TMCO4: variants seen among roughly 807,000 people sequenced by gnomAD.
TMCO4 encodes transmembrane and coiled-coil domain-containing protein 4.
Under a neutral mutation model 64.7 loss-of-function variants are expected in TMCO4, and 58 were observed. That is an observed-to-expected ratio of 0.90 (90% CI 0.73 to 1.12). The LOEUF is 1.12. TMCO4 is among the 50% of genes most tolerant of loss of function. The pLI is 0.00. For synonymous variants in TMCO4, 325 were observed against 346.1 expected (o/e 0.94, Z 0.68); for missense variants, 780 against 825.9 (o/e 0.94, Z 0.68).
intron 11 of TMCO4, among the ~76,000 whole-genome samples, chr1:19,740,389 G>A (rs549860534): frequency 6.6e-6 from 1 of 152,304 alleles, no homozygotes; most frequent in South Asian, 2.1e-4. Context: ...CTCATCCCAG[G>A]AGGATGAGAG....
In TMCO4 at chr1:19,691,069, T is replaced by C. The variant is rs181697336; in HGVS notation, c.1500+3365A>G. Among the ~76,000 whole-genome samples, 333 of 152,102 alleles carry C rather than the reference T, an allele frequency of 2.2e-3. 4 individuals are homozygous for C. The Middle Eastern group carries it at 0.031, about 14-fold the overall frequency. The stretch of plus-strand genomic sequence containing the variant: ...ATTTTTAGTAGAGACGGAGTTTCAC[T>C]GTGTTAGCCAGGATGGTCTCGATCT... On this transcript the variant is annotated intron_variant, in intron 15 of 15. Transcript: ENST00000294543.
At chr1:19,692,345 C>T (rs969038721) in intron 15 of TMCO4, among the ~76,000 whole-genome samples, 18 of 152,138 alleles carry the variant, frequency 1.2e-4, no homozygotes, top group African/African-American at 4.3e-4. Context: ...GGGTTTGAGT[C>T]CTGCTTTGCC....
chr1:19,784,477 T>G (rs927076584), intron 3 of TMCO4, among the ~76,000 whole-genome samples: 2 of 152,168 alleles, frequency 1.3e-5, no homozygotes, highest in African/African-American at 4.8e-5. Flanking sequence ...GAGGTTGCAG[T>G]GAGCTGAGAT....
At chr1:19,749,351 T>C (rs1302634554) in intron 7 of TMCO4, among the ~76,000 whole-genome samples, 1 of 152,138 alleles carries the variant, frequency 6.6e-6, no homozygotes, top group Non-Finnish European at 1.5e-5. Flanking sequence ...GTGTCACTTC[T>C]GGCAGAATCT....
chr1:19,702,484 A>G (rs1007767727), intron 13 of TMCO4, among the ~76,000 whole-genome samples: 1 of 151,072 alleles, frequency 6.6e-6, no homozygotes, highest in South Asian at 2.2e-4. Flanking sequence ...AATCCCAGCT[A>G]TTTGGGAGGC....
At chr1:19,690,159 C>A (rs1459036038) in intron 15 of TMCO4, among the ~76,000 whole-genome samples, 1 of 152,224 alleles carries the variant, frequency 6.6e-6, no homozygotes, top group African/African-American at 2.4e-5. Context: ...AATAAAACTC[C>A]TCGCCTTGCT....
intron 10 of TMCO4, among the ~76,000 whole-genome samples, chr1:19,741,546 C>T (rs563902795): frequency 2.6e-5 from 4 of 152,168 alleles, no homozygotes; most frequent in African/African-American, 4.8e-5. Context: ...AAATGACCCA[C>T]GGAAGGAGGA....
At chr1:19,735,482 G>A (rs1366936245) in intron 13 of TMCO4, among the ~76,000 whole-genome samples, 1 of 152,178 alleles carries the variant, frequency 6.6e-6, no homozygotes, top group Non-Finnish European at 1.5e-5. Flanking sequence ...GATGCTGGAA[G>A]GAAGCTGCTT....
At chr1:19,756,219 A>C (rs2042250163) in intron 6 of TMCO4, among the ~76,000 whole-genome samples, 1 of 152,200 alleles carries the variant, frequency 6.6e-6, no homozygotes, top group African/African-American at 2.4e-5. Flanking sequence ...ACTGCACTCT[A>C]GCCTGGGCGA....
At chr1:19,721,864 G>C (rs1232137842) in intron 13 of TMCO4, among the ~76,000 whole-genome samples, 1 of 152,120 alleles carries the variant, frequency 6.6e-6, no homozygotes, top group Non-Finnish European at 1.5e-5. Flanking sequence ...GGCCAAACCT[G>C]GAAATATACT....
intron 2 of TMCO4, among the ~76,000 whole-genome samples, chr1:19,792,097 C>A (rs75970166): frequency 9.2e-5 from 14 of 152,292 alleles, no homozygotes; most frequent in African/African-American, 2.9e-4. Context: ...CCCAATCACA[C>A]GGAACTATGC....
chr1:19,793,656 C>A (rs550960551), intron 2 of TMCO4, among the ~76,000 whole-genome samples: 1 of 152,124 alleles, frequency 6.6e-6, no homozygotes, highest in African/African-American at 2.4e-5. Flanking sequence ...ACACTGCAGA[C>A]GAGAAGAAAA....
At chr1:19,786,478 G>A (rs2043749116) in intron 3 of TMCO4, among the ~76,000 whole-genome samples, 1 of 152,210 alleles carries the variant, frequency 6.6e-6, no homozygotes, top group Non-Finnish European at 1.5e-5. Flanking sequence ...AAAAGCATGT[G>A]TCAAGACCCA....
At chr1:19,742,809 T>G (rs2012012) in intron 10 of TMCO4, among the ~76,000 whole-genome samples, 30,652 of 152,156 alleles carry the variant, frequency 0.2, 3,389 homozygotes, top group East Asian at 0.4. Context: ...TTGTATACTT[T>G]GGGAGGCCGA....
intron 11 of TMCO4, 70 bp downstream of exon 11, chr1:19,740,706 AC>A: frequency 6.6e-7 from 1 of 1,522,988 alleles, no homozygotes. Context: ...GGCATGCAAA[AC>A]TATGGTACCA....
At chr1:19,759,512 C>G (rs866427442) in intron 6 of TMCO4, among the ~76,000 whole-genome samples, 3 of 152,190 alleles carry the variant, frequency 2.0e-5, no homozygotes, top group African/African-American at 7.2e-5. Flanking sequence ...ATTATCCAGC[C>G]CCTTCCTGCC....
intron 3 of TMCO4, among the ~76,000 whole-genome samples, chr1:19,781,889 G>A (rs554679447): frequency 1.5e-4 from 23 of 152,222 alleles, no homozygotes; most frequent in Admixed American, 5.9e-4. Context: ...CTCGTGATCC[G>A]CCCGCCTTGG....
intron 3 of TMCO4, among the ~76,000 whole-genome samples, chr1:19,785,533 G>A (rs2043695163): frequency 6.6e-6 from 1 of 152,220 alleles, no homozygotes; most frequent in Non-Finnish European, 1.5e-5. Flanking sequence ...GCTAGGATGT[G>A]GGAAGCCCTG....
chr1:19,783,523 A>G (rs2043587609), intron 3 of TMCO4, among the ~76,000 whole-genome samples: 1 of 152,240 alleles, frequency 6.6e-6, no homozygotes, highest in African/African-American at 2.4e-5. Context: ...TGTTTTCAAA[A>G]CAACCCTGAG....
Sources: allele counts gnomAD v4.1 joint callset (sites outside exome capture counted in the v4.1 genomes callset), GRCh38; gene constraint gnomAD v4.1.1; transcripts MANE v1.5; gene names NCBI Gene and HGNC (gene_info 2026-07-23, HGNC 2026-07-21).